Variants in NUP98 observed in about 807,000 individuals in gnomAD.
NUP98 encodes the protein nucleoporin 98 and 96 precursor, also known as nuclear pore complex protein Nup98-Nup96.
In NUP98, 26 loss-of-function variants were observed where a neutral mutation model predicts 191.9. The observed-to-expected ratio is 0.14, with a 90% CI of 0.10 to 0.19. NUP98 has a LOEUF of 0.19. Among genes scored for constraint, NUP98 ranks in the 10% least tolerant of loss-of-function variants. The probability of loss-of-function intolerance (pLI) is 1.00; values close to 1 mark genes in which losing one functional copy is unlikely to be tolerated. For synonymous variants in NUP98, 808 were observed against 778.4 expected, an observed-to-expected ratio of 1.04 and a Z score of -0.63; for missense variants, 1,941 against 2,178.8, an observed-to-expected ratio of 0.89 and a Z score of 2.17.
intron 7 of NUP98, among the ~76,000 whole-genome samples, chr11:3,769,764 G>A (rs1589927553): frequency 6.6e-6 from 1 of 151,928 alleles, no homozygotes; most frequent in South Asian, 2.1e-4. Flanking sequence ...GGGCTGGACG[G>A]CCAGCCATGG....
At chr11:3,796,160 T>C (rs1422206639) in intron 1 of NUP98, among the ~76,000 whole-genome samples, 1 of 152,202 alleles carries the variant, frequency 6.6e-6, no homozygotes, top group East Asian at 1.9e-4. Flanking sequence ...TGCTCTTTAT[T>C]CCAGTTAGCT....
intron 20 of NUP98, among the ~76,000 whole-genome samples, chr11:3,708,752 A>G (rs973046670): frequency 1.3e-4 from 19 of 151,980 alleles, no homozygotes; most frequent in African/African-American, 4.6e-4. Flanking sequence ...GATGGCTCAG[A>G]AGTAACTGAG....
rs368460255 is a variant in NUP98, at chr11:3,723,370, G to A, written c.1933C>T (p.Pro645Ser). ...GTTTGAGGAATAGGTTTGGCAATAG[G>A]GTTAGTATAAAAATGTGAAACAAGG... ...DSLVSHFYTNPIAKPIPQTPE... is the reference protein window; with the variant it reads ...DSLVSHFYTNSIAKPIPQTPE... Residue 645 changes from proline to serine, a missense_variant, in exon 16 of 33, where the codon CCT (proline) becomes TCT (serine). Physicochemically the swap from Pro to Ser is moderately conservative, Grantham distance 74. Coordinates refer to ENST00000324932, the MANE Select transcript of NUP98 (RefSeq NM_016320.5). 20 of 1,613,794 alleles carry A rather than the reference G, an allele frequency of 1.2e-5. No homozygotes were observed. Among genetic ancestry groups the A allele is most frequent in the Non-Finnish European group, 1.7e-5 (20 of 1,179,958 alleles).
rs1464932182 is a variant in NUP98 at position 3,744,775 on chromosome 11, G to GTGTA, written c.1268-127_1268-126insTACA. ...AGTGACCACTCATTTCAACAAAGGG[G>GTGTA]TGAATACGGTAAGTGTTACTGCAGG... On this transcript the variant is annotated intron_variant, in intron 11 of 32. Transcript: ENST00000324932. The GTGTA allele has an allele frequency of 9.8e-6, 10 of 1,015,950 alleles. No individual in the cohort carries two copies. In the African/African-American group the frequency reaches 1.5e-4, roughly 15 times the overall value. 62.9% of individuals were successfully genotyped at this position (1,015,950 alleles called of 1,614,324 possible). A position where few individuals can be genotyped will look rare whatever the true frequency, so the allele number is the denominator to read the frequency against.
intron 18 of NUP98, among the ~76,000 whole-genome samples, chr11:3,718,122 T>C (rs1193493297): frequency 6.6e-6 from 1 of 152,238 alleles, no homozygotes; most frequent in African/African-American, 2.4e-5. Flanking sequence ...TTCAATTTTT[T>C]GGAAGAGTCT....
rs183982924 is a variant in NUP98, at chr11:3,743,079, C to T, written c.1408+1430G>A. On this transcript the variant is annotated intron_variant, in intron 12 of 32. Coordinates refer to ENST00000324932, the MANE Select transcript of NUP98 (RefSeq NM_016320.5). ...TGTCACCCAGGTTGGAATGTAGTGG[C>T]GCGATCTCGGCTCACTGTAACCTCC... Among the ~76,000 whole-genome samples the T allele has an allele frequency of 5.1e-4, 77 of 151,990 alleles. No individual in the cohort carries two copies. The East Asian group carries it at 0.011, about 21-fold the overall frequency.
In NUP98 at chr11:3,692,167, T is replaced by A. The variant is rs559815190; in HGVS notation, c.4312-678A>T. Among the ~76,000 whole-genome samples the A allele has an allele frequency of 8.2e-4, 123 of 150,368 alleles. No homozygotes were observed. The East Asian group carries it at 0.015, about 18-fold the overall frequency. ...GACATAAAAAGATAAGAAAAAAAAATTTTTTTTTTAAATTAGCCAGGCATG... is the reference window on the plus strand; with the variant it reads ...GACATAAAAAGATAAGAAAAAAAAAATTTTTTTTTAAATTAGCCAGGCATG... On this transcript the variant is annotated intron_variant, in intron 27 of 32. Coordinates refer to ENST00000324932, the MANE Select transcript of NUP98 (RefSeq NM_016320.5).
intron 10 of NUP98, among the ~76,000 whole-genome samples, chr11:3,756,884 G>A (rs1473137433): frequency 1.3e-5 from 2 of 148,548 alleles, no homozygotes; most frequent in East Asian, 2.1e-4. Context: ...TCAGGAGATC[G>A]AGACCATCCC....
At chr11:3,725,627 T>C (rs879941891) in intron 14 of NUP98, among the ~76,000 whole-genome samples, 2 of 152,230 alleles carry the variant, frequency 1.3e-5, no homozygotes, top group African/African-American at 4.8e-5. Context: ...ATAGAACTCA[T>C]AGTGCTGTCT....
intron 12 of NUP98, among the ~76,000 whole-genome samples, chr11:3,736,493 T>G (rs1405184739): frequency 1.3e-5 from 2 of 152,076 alleles, no homozygotes; most frequent in Non-Finnish European, 2.9e-5. Flanking sequence ...CCACCTCTAC[T>G]AAAAATACAA....
At position 3,702,607 on chromosome 11, in the gene NUP98, C is replaced by T. The variant is rs1474116446; in HGVS notation, c.3368G>A (p.Gly1123Glu). ...GCCCCAACCAACACGAAATGAGCGTCCCATGAATAGGGCCATGTCCATCAA... is the reference window on the plus strand; with the variant it reads ...GCCCCAACCAACACGAAATGAGCGTTCCATGAATAGGGCCATGTCCATCAA... ...KLLMDMALFM[G>E]RSFRVGWGPN... The change falls in exon 23 of 33, where the codon GGA (glycine) becomes GAA (glutamate). Residue 1123 changes from glycine (G) to glutamate (E), a missense_variant. Gly to Glu is a moderately conservative substitution (Grantham distance 98). Coordinates refer to ENST00000324932, the MANE Select transcript of NUP98 (RefSeq NM_016320.5). The T allele has an allele frequency of 1.2e-6, 2 of 1,614,006 alleles. No individual in the cohort carries two copies. The highest frequency in any genetic ancestry group is 1.7e-6 in the Non-Finnish European group (2 of 1,180,048).
intron 27 of NUP98, chr11:3,693,009 TGAA>T (rs770565936): frequency 2.4e-4 from 109 of 457,960 alleles, no homozygotes; most frequent in Middle Eastern, 1.2e-3. Context: ...GCATTAGAAA[TGAA>T]GAAGAACCCT....
intron 15 of NUP98, among the ~76,000 whole-genome samples, chr11:3,724,602 G>C (rs1371247998): frequency 6.6e-6 from 1 of 151,618 alleles, no homozygotes; most frequent in African/African-American, 2.4e-5. Flanking sequence ...GACCATCCTT[G>C]GCTAACAAGG....
intron 14 of NUP98, among the ~76,000 whole-genome samples, chr11:3,729,715 CAAAAAAAAAAAAAAAAAAA>C (rs755816362): frequency 2.7e-5 from 1 of 37,416 alleles, no homozygotes; most frequent in Non-Finnish European, 5.4e-5. Context: ...ACTCTTGCCT[CAAAAAAAAAAAAAAAAAAA>C]AAAAAAAGGA....
At chr11:3,761,399 G>A (rs1211544469) in intron 9 of NUP98, among the ~76,000 whole-genome samples, 1 of 152,104 alleles carries the variant, frequency 6.6e-6, no homozygotes, top group East Asian at 1.9e-4. Context: ...GGCCAAGGCG[G>A]AAGGATCCTT....
At chr11:3,788,526 G>A (rs1434506616) in intron 1 of NUP98, among the ~76,000 whole-genome samples, 1 of 152,066 alleles carries the variant, frequency 6.6e-6, no homozygotes, top group African/African-American at 2.4e-5. Flanking sequence ...GGGAGGTGGA[G>A]GTTGCTGTGA....
chr11:3,773,546 C>A, intron 6 of NUP98, 86 bp downstream of exon 6: 1 of 824,034 alleles, frequency 1.2e-6, no homozygotes, highest in Non-Finnish European at 1.9e-6. Context: ...CCACTCTATC[C>A]TAAAGAAAAT....
intron 9 of NUP98, 97 bp downstream of exon 9, chr11:3,762,805 A>G (rs1468043833): frequency 7.4e-7 from 1 of 1,343,602 alleles, no homozygotes; most frequent in African/African-American, 1.5e-5. Flanking sequence ...TAATACACCC[A>G]ATAAAAATAC....
In NUP98 at chr11:3,695,885, C is replaced by T. The variant is rs111702174; in HGVS notation, c.4010-279G>A. ...TACTTCTGTGATACTAGGCAAGACACCTCAGCTACAAAATGGAGGAAAACA... is the reference window on the plus strand; with the variant it reads ...TACTTCTGTGATACTAGGCAAGACATCTCAGCTACAAAATGGAGGAAAACA... On this transcript the variant is annotated intron_variant, in intron 25 of 32. Coordinates refer to ENST00000324932, the MANE Select transcript of NUP98 (RefSeq NM_016320.5). Among the ~76,000 whole-genome samples the T allele has an allele frequency of 5.5e-3, 841 of 152,208 alleles. 6 individuals carry two copies. The highest frequency in any genetic ancestry group is 0.017 in the African/African-American group (710 of 41,530).
Sources: gnomAD v4.1 joint callset for allele counts (sites outside exome capture counted in the v4.1 genomes callset) on GRCh38, gnomAD v4.1.1 for gene constraint, MANE v1.5 for transcripts, NCBI Gene and HGNC (gene_info 2026-07-23, HGNC 2026-07-21) for gene names.